COL23A1: variants seen among roughly 807,000 people sequenced by gnomAD.
COL23A1 encodes collagen type XXIII alpha 1 chain.
In COL23A1, 97 loss-of-function variants were observed where a neutral mutation model predicts 99.3. That is an observed-to-expected ratio of 0.98 (90% CI 0.83 to 1.16). The LOEUF (loss-of-function observed/expected upper bound fraction) is 1.16. COL23A1 is among the 50% of genes most tolerant of loss of function. The pLI is 0.00. For missense variants in COL23A1, 762 were observed against 757.4 expected, an observed-to-expected ratio of 1.01 and a Z score of -0.07; for synonymous variants, 320 against 308.2, an observed-to-expected ratio of 1.04 and a Z score of -0.40.
chr5:178,545,180 G>A (rs2113379634), intron 2 of COL23A1, among the ~76,000 whole-genome samples: 1 of 152,240 alleles, frequency 6.6e-6, no homozygotes, highest in East Asian at 1.9e-4. Context: ...AGTTCCTGAT[G>A]GGGGAGGCGG....
chr5:178,414,128 C>T (rs1765182359), intron 2 of COL23A1, among the ~76,000 whole-genome samples: 1 of 152,196 alleles, frequency 6.6e-6, no homozygotes, highest in African/African-American at 2.4e-5. Flanking sequence ...AAGGGGGACC[C>T]TGGCCCTCTG....
intron 2 of COL23A1, among the ~76,000 whole-genome samples, chr5:178,414,146 G>A (rs957778735): frequency 2.6e-5 from 4 of 152,198 alleles, no homozygotes; most frequent in Admixed American, 6.5e-5. Flanking sequence ...CTGCTGTCAC[G>A]CTCTCCTCTG....
At chr5:178,413,074 T>G (rs10074791) in intron 2 of COL23A1, among the ~76,000 whole-genome samples, 8,986 of 151,886 alleles carry the variant, frequency 0.059, 868 homozygotes, top group African/African-American at 0.2. Context: ...TCTCAGCTAC[T>G]TGGGAGGCTG....
Position 178,434,338 on chromosome 5 carries a change from C to T in COL23A1, c.361+126344G>A, listed in dbSNP as rs566064295. On this transcript the variant is annotated intron_variant, in intron 2 of 28. Transcript: ENST00000390654. The surrounding 1 kb of genome is among the most constrained non-coding windows in gnomAD (Gnocchi z 4.3). ...CTCACTGGCCCCGAGGCACTGTTCT[C>T]CAGGACAGATGCAGCAACCACACAT... is the stretch of plus-strand genomic sequence containing the variant. Among the ~76,000 whole-genome samples the T allele has an allele frequency of 3.3e-5, 5 of 152,344 alleles. No individual in the cohort carries two copies. In the East Asian group the frequency reaches 9.6e-4, roughly 29 times the overall value.
chr5:178,572,239 T>G (rs6870796), intron 1 of COL23A1, among the ~76,000 whole-genome samples: 2,753 of 152,092 alleles, frequency 0.018, 76 homozygotes, highest in African/African-American at 0.062. Context: ...AGAGAATTAT[T>G]TTTAAAAGGA....
At chr5:178,382,430 C>G (rs1763433520) in intron 2 of COL23A1, among the ~76,000 whole-genome samples, 1 of 152,232 alleles carries the variant, frequency 6.6e-6, no homozygotes, top group Non-Finnish European at 1.5e-5. Context: ...CGCCCTCCTC[C>G]TCCTCTGGAG....
intron 11 of COL23A1, among the ~76,000 whole-genome samples, chr5:178,260,772 C>T (rs1379834539): frequency 8.6e-5 from 13 of 152,006 alleles, no homozygotes; most frequent in South Asian, 4.2e-4. Context: ...CCAGCCTGGG[C>T]GACAAGAGCA....
chr5:178,488,901 G>A (rs992157369), intron 2 of COL23A1, among the ~76,000 whole-genome samples: 37 of 152,188 alleles, frequency 2.4e-4, no homozygotes, highest in Non-Finnish European at 8.8e-5. Flanking sequence ...GCAAACACAG[G>A]AGCAGTCGCT....
At chr5:178,437,954 C>T (rs1766653959) in intron 2 of COL23A1, among the ~76,000 whole-genome samples, 1 of 152,164 alleles carries the variant, frequency 6.6e-6, no homozygotes, top group Non-Finnish European at 1.5e-5. Context: ...GGCTCAGAGG[C>T]CCCTGACCAC....
chr5:178,390,288 T>C (rs1365125246), intron 2 of COL23A1, among the ~76,000 whole-genome samples: 1 of 152,144 alleles, frequency 6.6e-6, no homozygotes, highest in Non-Finnish European at 1.5e-5. Flanking sequence ...ACTGTCTGGA[T>C]CATGTGGGAT....
rs150318406 is a variant in COL23A1 at position 178,589,814 on chromosome 5, A to G, written c.294+90T>C. On this transcript the variant is annotated intron_variant, in intron 1 of 28. Transcript: ENST00000390654. This position sits in a 1 kb window ranked among gnomAD's most constrained non-coding sequence, Gnocchi z 5.4. ...AGCCGGCGGGCGACCCTCCTCCCAG[A>G]GACCTGCACGCTGCCCCCGGCTCCC... is the stretch of plus-strand genomic sequence containing the variant. The G allele has an allele frequency of 1.9e-3, 2,256 of 1,161,268 alleles. 81 individuals are homozygous for G. The Admixed American group carries it at 0.063, about 32-fold the overall frequency. 71.9% of individuals were successfully genotyped at this position (1,161,268 alleles called of 1,614,324 possible).
intron 2 of COL23A1, among the ~76,000 whole-genome samples, chr5:178,529,677 T>C (rs1471679565): frequency 6.6e-6 from 1 of 152,178 alleles, no homozygotes; most frequent in East Asian, 1.9e-4. Context: ...GGGCATAGAC[T>C]GAAAGCAGGC....
chr5:178,238,782 C>A (rs937154715), intron 28 of COL23A1, 82 bp from the exon 29 acceptor site: 2 of 1,567,182 alleles, frequency 1.3e-6, no homozygotes, highest in East Asian at 4.5e-5. Flanking sequence ...CTGGCCTCCC[C>A]GGTCCTGCCC....
chr5:178,440,912 C>T (rs1414254797), intron 2 of COL23A1, among the ~76,000 whole-genome samples: 1 of 152,138 alleles, frequency 6.6e-6, no homozygotes, highest in African/African-American at 2.4e-5. Context: ...CCACCATGCC[C>T]GGCCTACTGT....
intron 2 of COL23A1, among the ~76,000 whole-genome samples, chr5:178,324,447 G>A (rs1363814859): frequency 6.6e-6 from 1 of 152,174 alleles, no homozygotes; most frequent in African/African-American, 2.4e-5. Context: ...CCCATTCTGG[G>A]TTCATCAACC....
In COL23A1 at chr5:178,249,716, A is replaced by ACACTCACTCT; in HGVS notation, c.1059+344_1059+345insAGAGTGAGTG. ...CACACACACACACACACACACACAC[A>ACACTCACTCT]CTCTCTCTCTCTCTCTCTCTCTCTC... On this transcript the variant is annotated intron_variant, in intron 18 of 28. Coordinates refer to ENST00000390654, the MANE Select transcript of COL23A1 (RefSeq NM_173465.4). Among the ~76,000 whole-genome samples the ACACTCACTCT allele has an allele frequency of 2.0e-3, 190 of 92,798 alleles. 1 individual carries two copies. Among genetic ancestry groups the ACACTCACTCT allele is most frequent in the Middle Eastern group, 9.8e-3 (1 of 102 alleles). 60.9% of individuals were successfully genotyped at this position (92,798 alleles called of 152,430 possible). A position where few individuals can be genotyped will look rare whatever the true frequency, so the allele number is the denominator to read the frequency against.
intron 1 of COL23A1, among the ~76,000 whole-genome samples, chr5:178,588,319 C>T (rs1764101888): frequency 6.6e-6 from 1 of 152,146 alleles, no homozygotes. Flanking sequence ...CCCCTCCCTC[C>T]TAAAATAGAC....
At chr5:178,367,533 T>C (rs1762554741) in intron 2 of COL23A1, among the ~76,000 whole-genome samples, 1 of 152,034 alleles carries the variant, frequency 6.6e-6, no homozygotes, top group African/African-American at 2.4e-5. Context: ...CTCACCACCG[T>C]GTTGAATGGA....
chr5:178,555,859 G>A (rs915953355), intron 2 of COL23A1, among the ~76,000 whole-genome samples: 5 of 152,178 alleles, frequency 3.3e-5, no homozygotes, highest in Non-Finnish European at 7.4e-5. Context: ...CCAGGGGGAG[G>A]CTTCAGGACC....
Sources: allele counts gnomAD v4.1 joint callset (sites outside exome capture counted in the v4.1 genomes callset), GRCh38; gene constraint gnomAD v4.1.1; non-coding constraint Gnocchi (gnomAD v3.1); transcripts MANE v1.5; gene names NCBI Gene and HGNC (gene_info 2026-07-23, HGNC 2026-07-21).